The following ATXN7L1 variants were observed in gnomAD, a reference collection of about 807,000 sequenced individuals.
ATXN7L1 encodes the protein ataxin 7 like 1, also known as ataxin-7-like protein 1.
A neutral mutation model predicts 70.8 loss-of-function variants in ATXN7L1; 15 were observed. The observed-to-expected ratio is 0.21, with a 90% CI of 0.14 to 0.33. The LOEUF (loss-of-function observed/expected upper bound fraction) is 0.33, where lower values mean the gene tolerates loss of function less well. Ranked by LOEUF, ATXN7L1 falls within the 10% of genes least tolerant of loss-of-function variation. The probability of loss-of-function intolerance (pLI) is 1.00; values close to 1 mark genes in which losing one functional copy is unlikely to be tolerated. For synonymous variants in ATXN7L1, 440 were observed against 445.1 expected (o/e 0.99, Z 0.14); for missense variants, 975 against 1,097.1 (o/e 0.89, Z 1.57).
intron 2 of ATXN7L1, among the ~76,000 whole-genome samples, chr7:105,854,246 C>T (rs937910279): frequency 2.2e-4 from 34 of 152,004 alleles, no homozygotes; most frequent in African/African-American, 7.5e-4. Context: ...CAAAGGCAAC[C>T]GGCAGGAAAT....
intron 3 of ATXN7L1, among the ~76,000 whole-genome samples, chr7:105,668,878 T>A (rs1191629068): frequency 6.6e-6 from 1 of 152,042 alleles, no homozygotes; most frequent in East Asian, 1.9e-4. Context: ...CACTCCAGCC[T>A]GGGCAACAGA....
At chr7:105,760,381 G>T in intron 3 of ATXN7L1, 1 of 951,186 alleles carries the variant, frequency 1.1e-6, no homozygotes, top group Non-Finnish European at 1.3e-6. Context: ...GCTCTGAGAG[G>T]ATCTGCAATT....
chr7:105,750,385 C>T (rs1799063612), intron 3 of ATXN7L1, among the ~76,000 whole-genome samples: 2 of 151,592 alleles, frequency 1.3e-5, no homozygotes, highest in South Asian at 4.2e-4. Context: ...AAGTGATCCT[C>T]CTGCCTCAGT....
chr7:105,610,644 A>T lies in ATXN7L1; in HGVS notation c.2473-41T>A, dbSNP rs114968298. 1.9e-3 allele frequency: 2,930 copies of T among 1,523,836 alleles called. 53 individuals carry two copies. The African/African-American group carries it at 0.037, about 19-fold the overall frequency. The allele number at this position is 1,523,836 out of a possible 1,614,324, so 94.4% of individuals were successfully genotyped here. A position where few individuals can be genotyped will look rare whatever the true frequency, so the allele number is the denominator to read the frequency against. On this transcript the variant is annotated intron_variant, in intron 10 of 11. Coordinates refer to ENST00000419735, the MANE Select transcript of ATXN7L1 (RefSeq NM_020725.2). ...GAAGCCCCACTCAGACACACGAGCC[A>T]GCCTGGGAAGGGCCCGCCGATGCCA...
At chr7:105,629,603 C>A (rs1796277508) in intron 7 of ATXN7L1, among the ~76,000 whole-genome samples, 1 of 151,430 alleles carries the variant, frequency 6.6e-6, no homozygotes. Flanking sequence ...GCAACCTCCG[C>A]CTTCTGGGTT....
intron 3 of ATXN7L1, among the ~76,000 whole-genome samples, chr7:105,725,010 C>T (rs1325643855): frequency 6.6e-6 from 1 of 151,892 alleles, no homozygotes; most frequent in Non-Finnish European, 1.5e-5. Flanking sequence ...TTTATTGGTG[C>T]CCTATAAAGA....
intron 4 of ATXN7L1, among the ~76,000 whole-genome samples, chr7:105,659,714 T>G (rs920362825): frequency 6.6e-6 from 1 of 152,100 alleles, no homozygotes; most frequent in Non-Finnish European, 1.5e-5. Context: ...GGCACCACCC[T>G]TGGCCTCTGT....
At chr7:105,715,177 T>C (rs1034739105) in intron 3 of ATXN7L1, among the ~76,000 whole-genome samples, 1 of 152,182 alleles carries the variant, frequency 6.6e-6, no homozygotes, top group African/African-American at 2.4e-5. Context: ...CAGCTTGGTA[T>C]ATCAGAAAGA....
chr7:105,717,983 C>T (rs1259853425), intron 3 of ATXN7L1, among the ~76,000 whole-genome samples: 5 of 152,104 alleles, frequency 3.3e-5, no homozygotes, highest in Non-Finnish European at 5.9e-5. Context: ...AAAACTATAA[C>T]TGTTTCTTAA....
chr7:105,840,639 A>G (rs775199532), intron 2 of ATXN7L1, among the ~76,000 whole-genome samples: 6 of 152,136 alleles, frequency 3.9e-5, no homozygotes, highest in Non-Finnish European at 8.8e-5. Flanking sequence ...CCAGCTGTCA[A>G]ATGCTGGGCC....
chr7:105,788,377 C>T, intron 3 of ATXN7L1: 1 of 526,170 alleles, frequency 1.9e-6, no homozygotes, highest in Non-Finnish European at 3.4e-6. Flanking sequence ...TCGACCGAGA[C>T]AAGTTGCAGG....
chr7:105,704,884 A>G (rs1336968174), intron 3 of ATXN7L1, among the ~76,000 whole-genome samples: 1 of 150,544 alleles, frequency 6.6e-6, no homozygotes, highest in Non-Finnish European at 1.5e-5. Flanking sequence ...GTGCTGGTAC[A>G]GTGGCATTAG....
intron 2 of ATXN7L1, among the ~76,000 whole-genome samples, chr7:105,814,020 C>T (rs934533462): frequency 1.3e-5 from 2 of 152,214 alleles, no homozygotes; most frequent in African/African-American, 4.8e-5. Flanking sequence ...TCCTCCATTT[C>T]ACCTTACACA....
chr7:105,667,471 G>A (rs968756564), intron 3 of ATXN7L1, among the ~76,000 whole-genome samples: 4 of 142,506 alleles, frequency 2.8e-5, no homozygotes, highest in Non-Finnish European at 6.2e-5. Context: ...AGGCCGAGGC[G>A]GGCGGATCAC....
intron 3 of ATXN7L1, among the ~76,000 whole-genome samples, chr7:105,773,868 G>A (rs761674408): frequency 6.6e-6 from 1 of 152,102 alleles, no homozygotes; most frequent in Non-Finnish European, 1.5e-5. Context: ...TGAGGGTCGG[G>A]GAGAAGTGGT....
intron 2 of ATXN7L1, among the ~76,000 whole-genome samples, chr7:105,802,272 C>T (rs1478632948): frequency 2.0e-5 from 3 of 152,026 alleles, no homozygotes; most frequent in Admixed American, 6.6e-5. Context: ...CTCAGTAAAC[C>T]GATCTATAAT....
intron 3 of ATXN7L1, among the ~76,000 whole-genome samples, chr7:105,692,407 T>TCCC (rs1554431616): frequency 9.7e-5 from 8 of 82,254 alleles, no homozygotes; most frequent in East Asian, 3.5e-4. Context: ...CCTTCCTTCC[T>TCCC]TCCTTCCTTC....
At chr7:105,804,264 A>G (rs1402867709) in intron 2 of ATXN7L1, among the ~76,000 whole-genome samples, 1 of 152,190 alleles carries the variant, frequency 6.6e-6, no homozygotes, top group African/African-American at 2.4e-5. Flanking sequence ...AAACTCTGAT[A>G]TGAATAGAGG....
Position 105,735,809 on chromosome 7 carries a change from G to A in ATXN7L1, c.355+52795C>T, listed in dbSNP as rs191013165. ...CCCAGTGAGATTTCCTGCTATGGAT[G>A]GGAGGTGGTGTGAGGTATACAGGAA... is the stretch of plus-strand genomic sequence containing the variant. On this transcript the variant is annotated intron_variant, in intron 3 of 11. Transcript: ENST00000419735. 3.9e-3 allele frequency among the ~76,000 whole-genome samples: 590 copies of A among 152,222 alleles called. 1 individual carries two copies. The highest frequency in any genetic ancestry group is 6.0e-3 in the Non-Finnish European group (406 of 68,024).
Sources: gnomAD v4.1 joint callset for allele counts (sites outside exome capture counted in the v4.1 genomes callset) on GRCh38, gnomAD v4.1.1 for gene constraint, MANE v1.5 for transcripts, NCBI Gene and HGNC (gene_info 2026-07-23, HGNC 2026-07-21) for gene names.